PTX3: variants seen among roughly 807,000 people sequenced by gnomAD.
PTX3 encodes pentraxin 3.
PTX3 carries 24 observed loss-of-function variants against 23.5 expected under a neutral mutation model. The ratio of observed to expected loss-of-function variants is 1.02; its 90% confidence interval spans 0.74 to 1.43. The LOEUF (loss-of-function observed/expected upper bound fraction) is 1.43, where lower values mean the gene tolerates loss of function less well. Among genes scored for constraint, PTX3 ranks in the 40% most tolerant of loss-of-function variants. PTX3 has a pLI of 0.00. For missense variants in PTX3, 510 were observed against 497.5 expected (o/e 1.02, Z -0.24); for synonymous variants, 218 against 205.4 (o/e 1.06, Z -0.53).
intron 2 of PTX3, among the ~76,000 whole-genome samples, chr3:157,441,643 A>G (rs1035044650): frequency 6.8e-6 from 1 of 147,960 alleles, no homozygotes; most frequent in African/African-American, 2.5e-5. Context: ...CCCCGTGTCT[A>G]AAAAAAAAAT....
At chr3:157,442,237 GT>G in intron 2 of PTX3, 128 bp from the exon 3 acceptor site, 1 of 861,564 alleles carries the variant, frequency 1.2e-6, no homozygotes, top group South Asian at 2.0e-5. Context: ...TTCTTAAGTC[GT>G]AATGTAGGGT....
chr3:157,436,982 G>A lies in PTX3; in HGVS notation c.49G>A (p.Ala17Thr), dbSNP rs368508831. 1.2e-6 allele frequency: 2 copies of A among 1,613,900 alleles called. No individual in the cohort carries two copies. The highest frequency in any genetic ancestry group is 2.7e-5 in the African/African-American group (2 of 74,898). Residue 17 changes from alanine (A) to threonine (T), a missense_variant, in exon 1 of 3, where the codon GCC becomes ACC. Coordinates refer to ENST00000295927, the MANE Select transcript of PTX3 (RefSeq NM_002852.4). The part of the protein sequence containing the change: ...LFCALWSAVL[A>T]ENSDDYDLMY... ...TTGTGCTCTCTGGTCTGCAGTGTTG[G>A]CCGAGAACTCGGATGATTATGATCT...
chr3:157,440,698 A>T (rs1347768714), intron 2 of PTX3, among the ~76,000 whole-genome samples: 2 of 151,922 alleles, frequency 1.3e-5, no homozygotes, highest in African/African-American at 4.8e-5. Context: ...ATATATATTT[A>T]TGTATATAGA....
chr3:157,437,563 A>G lies in PTX3; in HGVS notation c.181A>G (p.Ile61Val). Residue 61 changes from isoleucine to valine, a missense_variant, in exon 2 of 3, where the codon ATC becomes GTC. Ile to Val is a conservative substitution (Grantham distance 29). Coordinates refer to ENST00000295927, the MANE Select transcript of PTX3 (RefSeq NM_002852.4). The part of the protein sequence containing the change: ...QEHSEWDKLF[I>V]MLENSQMRER... ...GCACTCGGAATGGGACAAGCTCTTCATCATGCTGGAGAACTCGCAGATGAG... is the reference window on the plus strand; with the variant it reads ...GCACTCGGAATGGGACAAGCTCTTCGTCATGCTGGAGAACTCGCAGATGAG... 3 of 1,602,606 alleles carry G rather than the reference A, an allele frequency of 1.9e-6. No homozygotes were observed. The highest frequency in any genetic ancestry group is 2.6e-6 in the Non-Finnish European group (3 of 1,175,990).
intron 1 of PTX3, 71 bp downstream of exon 1, chr3:157,437,134 T>A (rs2109185496): frequency 6.4e-7 from 1 of 1,557,286 alleles, no homozygotes; most frequent in East Asian, 2.2e-5. Context: ...ATAACACACA[T>A]ATACTTTGTG....
At chr3:157,441,703 C>T (rs1367197658) in intron 2 of PTX3, among the ~76,000 whole-genome samples, 1 of 151,622 alleles carries the variant, frequency 6.6e-6, no homozygotes, top group Non-Finnish European at 1.5e-5. Flanking sequence ...CCAGCTACTC[C>T]GGAAGCTGAG....
In PTX3 at chr3:157,442,799, C is replaced by G. The variant is rs752330994; in HGVS notation, c.966C>G (p.Gly322=). The change falls in exon 3 of 3, where the codon GGC becomes GGG. Residue 322 remains glycine, a synonymous_variant. Coordinates refer to ENST00000295927, the MANE Select transcript of PTX3 (RefSeq NM_002852.4). ...AGAATGGCTGCTGTGTGGGTGGTGGCTTTGATGAAACATTAGCCTTCTCTG... is the reference window on the plus strand; with the variant it reads ...AGAATGGCTGCTGTGTGGGTGGTGGGTTTGATGAAACATTAGCCTTCTCTG... ...QEKNGCCVGG[G]FDETLAFSGR... is the part of the protein sequence containing the mutation. 6.2e-7 allele frequency: 1 copy of G among 1,614,196 alleles called. No individual in the cohort carries two copies. Among genetic ancestry groups the G allele is most frequent in the Non-Finnish European group, 8.5e-7 (1 of 1,180,050 alleles).
Position 157,442,786 on chromosome 3 carries a change from G to C in PTX3, c.953G>C (p.Cys318Ser), listed in dbSNP as rs770857279. 1.2e-6 allele frequency: 2 copies of C among 1,614,254 alleles called. No homozygotes were observed. Among genetic ancestry groups the C allele is most frequent in the Admixed American group, 1.7e-5 (1 of 60,034 alleles). The change falls in exon 3 of 3, where the codon TGT (cysteine) becomes TCT (serine). Residue 318 changes from cysteine to serine, a missense_variant. Cys to Ser is a moderately radical substitution (Grantham distance 112, BLOSUM62 -1). Transcript: ENST00000295927. ...LQIGQEKNGC[C>S]VGGGFDETLA... ...ATTGGCCAAGAAAAGAATGGCTGCT[G>C]TGTGGGTGGTGGCTTTGATGAAACA...
chr3:157,437,382 G>A lies in PTX3; in HGVS notation c.131-131G>A, dbSNP rs932708300. The A allele has an allele frequency of 3.3e-5, 36 of 1,096,490 alleles. No individual in the cohort carries two copies. The East Asian group carries it at 8.0e-4, about 24-fold the overall frequency. The allele number at this position is 1,096,490 out of a possible 1,614,324, so 67.9% of individuals were successfully genotyped here. A position where few individuals can be genotyped will look rare whatever the true frequency, so the allele number is the denominator to read the frequency against. ...GACATTTACATGCTGTTTTTCGGAG[G>A]TGTCCTTAAAGGGAAGGGGAATGCC... On this transcript the variant is annotated intron_variant, in intron 1 of 2. Transcript: ENST00000295927.
intron 2 of PTX3, among the ~76,000 whole-genome samples, chr3:157,438,213 T>TA (rs1733824175): frequency 2.6e-5 from 4 of 152,056 alleles, no homozygotes; most frequent in Admixed American, 2.6e-4. Flanking sequence ...AATAGACGTC[T>TA]AGGGCCCCTT....
chr3:157,442,549 A>G lies in PTX3; in HGVS notation c.716A>G (p.Tyr239Cys), dbSNP rs1734208616. 11 of 1,614,220 alleles carry G rather than the reference A, an allele frequency of 6.8e-6. No individual in the cohort carries two copies. The highest frequency in any genetic ancestry group is 9.3e-6 in the Non-Finnish European group (11 of 1,180,028). ...TKRNPYEIQL[Y>C]LSYQSIVFVV... is the part of the protein sequence containing the mutation. ...AGGAATCCATATGAAATCCAGCTGT[A>G]TCTCAGCTACCAATCCATAGTGTTT... The change falls in exon 3 of 3, where the codon TAT becomes TGT. Residue 239 changes from tyrosine (Y) to cysteine (C), a missense_variant. Coordinates refer to ENST00000295927, the MANE Select transcript of PTX3 (RefSeq NM_002852.4).
chr3:157,442,643 G>A lies in PTX3; in HGVS notation c.810G>A (p.Leu270=). The A allele has an allele frequency of 6.2e-7, 1 of 1,614,230 alleles. No individual in the cohort carries two copies. The change falls in exon 3 of 3, where the codon CTG becomes CTA. Residue 270 remains leucine, a synonymous_variant. Coordinates refer to ENST00000295927, the MANE Select transcript of PTX3 (RefSeq NM_002852.4). The part of the protein sequence containing the change: ...AMVSLGRWTH[L]CGTWNSEEGL... Reference sequence around the variant, plus strand: ...TTTCCCTGGGAAGGTGGACCCACCTGTGCGGCACCTGGAATTCAGAGGAAG... The same window carrying A: ...TTTCCCTGGGAAGGTGGACCCACCTATGCGGCACCTGGAATTCAGAGGAAG...
chr3:157,440,720 C>T (rs191274863), intron 2 of PTX3, among the ~76,000 whole-genome samples: 154 of 151,924 alleles, frequency 1.0e-3, no homozygotes, highest in Non-Finnish European at 1.9e-3. Context: ...GCAGAGCTCA[C>T]CTGTTCTTTC....
intron 2 of PTX3, 25 bp from the exon 3 acceptor site, chr3:157,442,341 T>G: frequency 2.6e-6 from 4 of 1,526,276 alleles, no homozygotes; most frequent in Non-Finnish European, 3.6e-6. Context: ...TCTTTAATAT[T>G]CTTCTTATTT....
chr3:157,437,573 A>C lies in PTX3; in HGVS notation c.191A>C (p.Glu64Ala). 1 of 1,597,506 alleles carries C rather than the reference A, an allele frequency of 6.3e-7. No homozygotes were observed. The highest frequency in any genetic ancestry group is 8.5e-7 in the Non-Finnish European group (1 of 1,173,656). The change falls in exon 2 of 3, where the codon GAG becomes GCG. Residue 64 changes from glutamate (E) to alanine (A), a missense_variant. Glu to Ala is a moderately radical substitution (Grantham distance 107). Transcript: ENST00000295927. ...SEWDKLFIMLENSQMRERMLL... is the reference protein window; with the variant it reads ...SEWDKLFIMLANSQMRERMLL... ...TGGGACAAGCTCTTCATCATGCTGG[A>C]GAACTCGCAGATGAGAGAGCGCATG...
intron 1 of PTX3, 66 bp from the exon 2 acceptor site, chr3:157,437,447 C>G: frequency 6.5e-7 from 1 of 1,549,238 alleles, no homozygotes; most frequent in Non-Finnish European, 8.7e-7. Flanking sequence ...GGGAGGTCAG[C>G]TTTTACAAAG....
chr3:157,440,604 A>C (rs954552864), intron 2 of PTX3, among the ~76,000 whole-genome samples: 2 of 152,078 alleles, frequency 1.3e-5, no homozygotes, highest in Non-Finnish European at 2.9e-5. Context: ...ATATATACAC[A>C]CACATTTATA....
intron 2 of PTX3, among the ~76,000 whole-genome samples, chr3:157,441,046 G>C (rs2109228417): frequency 6.6e-6 from 1 of 152,312 alleles, no homozygotes; most frequent in Middle Eastern, 3.4e-3. Flanking sequence ...AGAATATTAG[G>C]AGCAGAATGG....
Position 157,443,241 on chromosome 3 carries a change from T to A in PTX3, c.*262T>A, listed in dbSNP as rs574613931. On this transcript the variant is annotated 3_prime_UTR_variant, in exon 3 of 3. Transcript: ENST00000295927. ...AATGCTGTGTCTCTGTCAGATAAAC[T>A]CTCAAATAATTAAAAAGGACTGTAT... 1 of 367,124 alleles carries A rather than the reference T, an allele frequency of 2.7e-6. No individual in the cohort carries two copies. The highest frequency in any genetic ancestry group is 2.0e-5 in the African/African-American group (1 of 48,810). 22.7% of individuals were successfully genotyped at this position (367,124 alleles called of 1,614,324 possible).
Sources: allele counts gnomAD v4.1 joint callset (sites outside exome capture counted in the v4.1 genomes callset), GRCh38; gene constraint gnomAD v4.1.1; transcripts MANE v1.5; gene names NCBI Gene and HGNC (gene_info 2026-07-23, HGNC 2026-07-21).